FBXO2: variants seen among roughly 807,000 people sequenced by gnomAD.
FBXO2 encodes the protein F-box only protein 2.
FBXO2 carries 32 observed loss-of-function variants against 38.6 expected under a neutral mutation model. That is an observed-to-expected ratio of 0.83 (90% confidence interval 0.62 to 1.11). FBXO2 has a LOEUF of 1.11. Ranked by LOEUF, FBXO2 falls within the 50% of genes most tolerant of loss-of-function variation. The pLI is 0.00. For synonymous variants in FBXO2, 189 were observed against 182.9 expected (o/e 1.03, Z -0.27); for missense variants, 450 against 418.3 (o/e 1.08, Z -0.66).
chr1:11,650,952 C>T, intron 1 of FBXO2, 118 bp from the exon 2 acceptor site: 2 of 1,375,826 alleles, frequency 1.5e-6, no homozygotes, highest in Non-Finnish European at 1.9e-6. Context: ...ACAGCTGGGG[C>T]CGGAGATTCT....
chr1:11,653,494 A>T (rs1001165716), intron 1 of FBXO2: 1 of 151,674 alleles, frequency 6.6e-6, no homozygotes, highest in African/African-American at 2.4e-5. Context: ...GTGGATTGGG[A>T]GCAAGGGCTG....
intron 1 of FBXO2, 73 bp downstream of exon 1, chr1:11,654,246 C>T: frequency 6.9e-7 from 1 of 1,451,732 alleles, no homozygotes. Flanking sequence ...TCTCTGACGC[C>T]CCTCTGTGCA....
At chr1:11,650,147 G>T in intron 2 of FBXO2, 73 bp from the exon 3 acceptor site, 1 of 1,589,376 alleles carries the variant, frequency 6.3e-7, no homozygotes, top group Non-Finnish European at 8.6e-7. Context: ...TATGTGGTGG[G>T]GGGCAGGGCA....
chr1:11,650,621 T>G lies in FBXO2; in HGVS notation c.236A>C (p.Lys79Thr). The G allele has an allele frequency of 6.3e-7, 1 of 1,586,894 alleles. No homozygotes were observed. The highest frequency in any genetic ancestry group is 8.5e-7 in the Non-Finnish European group (1 of 1,171,206). The part of the protein sequence containing the change: ...QACRLVCLRW[K>T]ELVDGAPLWL... The stretch of plus-strand genomic sequence containing the variant: ...CAGCGGGGCGCCGTCCACCAGCTCC[T>G]TCCAGCGCAGGCACACCAGGCGGCA... Residue 79 changes from lysine to threonine, a missense_variant, in exon 2 of 6, where the codon AAG becomes ACG. Physicochemically the swap from Lys to Thr is moderately conservative, Grantham distance 78. Transcript: ENST00000354287.
Position 11,648,559 on chromosome 1 carries a change from G to A in FBXO2, c.*135C>T. 2.4e-6 allele frequency: 3 copies of A among 1,244,786 alleles called. No homozygotes were observed. The allele number at this position is 1,244,786 out of a possible 1,614,324, so 77.1% of individuals were successfully genotyped here. A position where few individuals can be genotyped will look rare whatever the true frequency, so the allele number is the denominator to read the frequency against. On this transcript the variant is annotated 3_prime_UTR_variant, in exon 6 of 6. Coordinates refer to ENST00000354287, the MANE Select transcript of FBXO2 (RefSeq NM_012168.6). The surrounding 1 kb of genome is among the most constrained non-coding windows in gnomAD (Gnocchi z 4.2). The stretch of plus-strand genomic sequence containing the variant: ...AAAACTTCTCTCTCCCTGCTCAGGG[G>A]CTGGGATCGGAGCAAGGGATGGGAG...
chr1:11,649,730 T>G (rs769397284), intron 4 of FBXO2, 49 bp downstream of exon 4: 2 of 1,583,876 alleles, frequency 1.3e-6, no homozygotes, highest in African/African-American at 2.7e-5. Context: ...CTCTCCCCTC[T>G]GCCTTACCCC....
rs759801772 is a variant in FBXO2 at position 11,649,748 on chromosome 1, C to T, written c.617+31G>A. ...TCCCCTCTGCCTTACCCCGCTCCTCCCAGCCCCATGCCACCCCAGGACCCT... is the reference window on the plus strand; with the variant it reads ...TCCCCTCTGCCTTACCCCGCTCCTCTCAGCCCCATGCCACCCCAGGACCCT... On this transcript the variant is annotated intron_variant, in intron 4 of 5. Transcript: ENST00000354287. 3 of 1,610,260 alleles carry T rather than the reference C, an allele frequency of 1.9e-6. No individual in the cohort carries two copies. In the Admixed American group the frequency reaches 5.0e-5, roughly 27 times the overall value.
chr1:11,650,025 C>T lies in FBXO2; in HGVS notation c.441G>A (p.Arg147=). Reference sequence around the variant, plus strand: ...CACTGTCTCCAGGCAGCTCCTCCACCCTCCAGCCGTCCCCACCATGCTCCA... The same window carrying T: ...CACTGTCTCCAGGCAGCTCCTCCACTCTCCAGCCGTCCCCACCATGCTCCA... ...CDVEHGGDGW[R]VEELPGDSGV... The change falls in exon 3 of 6, where the codon AGG becomes AGA. Residue 147 remains arginine (R), a synonymous_variant. Transcript: ENST00000354287. 2 of 1,614,124 alleles carry T rather than the reference C, an allele frequency of 1.2e-6. No individual in the cohort carries two copies. The highest frequency in any genetic ancestry group is 1.7e-6 in the Non-Finnish European group (2 of 1,180,036).
intron 1 of FBXO2, 21 bp downstream of exon 1, chr1:11,654,298 A>G (rs1464491891): frequency 1.3e-6 from 2 of 1,489,324 alleles, no homozygotes; most frequent in African/African-American, 2.9e-5. Context: ...CGCCGCAGCG[A>G]GCGGTCCAGG....
At position 11,648,644 on chromosome 1, in the gene FBXO2, C is replaced by T; in HGVS notation, c.*50G>A. 1 of 1,604,220 alleles carries T rather than the reference C, an allele frequency of 6.2e-7. No individual in the cohort carries two copies. The highest frequency in any genetic ancestry group is 8.5e-7 in the Non-Finnish European group (1 of 1,173,194). On this transcript the variant is annotated 3_prime_UTR_variant, in exon 6 of 6. Transcript: ENST00000354287. The surrounding 1 kb of genome is among the most constrained non-coding windows in gnomAD (Gnocchi z 4.2). ...TGGACTAAGTTAAGGCCTATCTACCCTCGACCTTTGCCCCTCCAGGCAGCT... is the reference window on the plus strand; with the variant it reads ...TGGACTAAGTTAAGGCCTATCTACCTTCGACCTTTGCCCCTCCAGGCAGCT...
chr1:11,650,538 G>C lies in FBXO2; in HGVS notation c.319C>G (p.Arg107Gly). ...LVPEGGVEEE[R>G]DHWQQFYFLS... is the part of the protein sequence containing the mutation. ...AAGTAGAACTGCTGCCAGTGGTCGCGCTCCTCCTCCACGCCGCCCTCGGGC... is the reference window on the plus strand; with the variant it reads ...AAGTAGAACTGCTGCCAGTGGTCGCCCTCCTCCTCCACGCCGCCCTCGGGC... The change falls in exon 2 of 6, where the codon CGC becomes GGC. Residue 107 changes from arginine (R) to glycine (G), a missense_variant. Physicochemically the swap from Arg to Gly is moderately radical, Grantham distance 125 (BLOSUM62 -2). Coordinates refer to ENST00000354287, the MANE Select transcript of FBXO2 (RefSeq NM_012168.6). 6.2e-7 allele frequency: 1 copy of C among 1,601,470 alleles called. No homozygotes were observed. Among genetic ancestry groups the C allele is most frequent in the South Asian group, 1.1e-5 (1 of 88,894 alleles).
At chr1:11,652,848 C>T (rs570508468) in intron 1 of FBXO2, among the ~76,000 whole-genome samples, 13 of 152,366 alleles carry the variant, frequency 8.5e-5, no homozygotes, top group African/African-American at 2.6e-4. Flanking sequence ...GCCCAACCCA[C>T]AGTCAGGCCC....
At position 11,648,769 on chromosome 1, in the gene FBXO2, C is replaced by A. The variant is rs777934203; in HGVS notation, c.816G>T (p.Gly272=). ...CCTTCCAGTAGACGGAGTCCTGCCC[C>A]CCGTGCTCGAAGCGGACGAAGCGGA... is the stretch of plus-strand genomic sequence containing the variant. ...PGVRFVRFEH[G]GQDSVYWKGW... is the part of the protein sequence containing the mutation. Residue 272 remains glycine, a synonymous_variant, in exon 6 of 6, where the codon GGG becomes GGT. Transcript: ENST00000354287. The surrounding 1 kb of genome is among the most constrained non-coding windows in gnomAD (Gnocchi z 4.2). The A allele has an allele frequency of 2.5e-6, 4 of 1,613,766 alleles. No homozygotes were observed. The highest frequency in any genetic ancestry group is 2.2e-5 in the East Asian group (1 of 44,884).
At chr1:11,654,198 G>T (rs1375024270) in intron 1 of FBXO2, 121 bp downstream of exon 1, 1 of 1,129,498 alleles carries the variant, frequency 8.9e-7, no homozygotes, top group Non-Finnish European at 1.2e-6. Context: ...CTTCGCTGGC[G>T]TGAAAGTTTG....
At chr1:11,650,932 G>A in intron 1 of FBXO2, 98 bp from the exon 2 acceptor site, 1 of 1,436,410 alleles carries the variant, frequency 7.0e-7, no homozygotes, top group South Asian at 1.4e-5. Flanking sequence ...CACCCACCGT[G>A]GGACAATCCA....
Position 11,648,972 on chromosome 1 carries a change from TCAGCCCAGCC to T in FBXO2, c.756+105_756+114del, listed in dbSNP as rs577091768. 1 of 713,242 alleles carries T rather than the reference TCAGCCCAGCC, an allele frequency of 1.4e-6. No individual in the cohort carries two copies. Among genetic ancestry groups the T allele is most frequent in the Admixed American group, 4.2e-5 (1 of 23,928 alleles). 44.2% of individuals were successfully genotyped at this position (713,242 alleles called of 1,614,324 possible). ...CTCTCTCCACCACCCGGTGACTATC[TCAGCCCAGCC>T]CAGCCCAGCCCACCCCAGCCCAGGA... On this transcript the variant is annotated intron_variant, in intron 5 of 5. Transcript: ENST00000354287. This position sits in a 1 kb window ranked among gnomAD's most constrained non-coding sequence, Gnocchi z 4.2.
rs745841794 is a variant in FBXO2 at position 11,649,530 on chromosome 1, T to C, written c.617+249A>G. ...TGGACCGCAGACTGATTTTGAAATA[T>C]ATACATTACATATATACAAACATAT... On this transcript the variant is annotated intron_variant, in intron 4 of 5. Transcript: ENST00000354287. The C allele has an allele frequency of 5.3e-5, 31 of 589,828 alleles. No individual in the cohort carries two copies. In the East Asian group the frequency reaches 8.4e-4, roughly 16 times the overall value. The allele number at this position is 589,828 out of a possible 1,614,324, so 36.5% of individuals were successfully genotyped here. A position where few individuals can be genotyped will look rare whatever the true frequency, so the allele number is the denominator to read the frequency against.
chr1:11,650,959 T>G, intron 1 of FBXO2, 125 bp from the exon 2 acceptor site: 1 of 1,339,878 alleles, frequency 7.5e-7, no homozygotes, highest in East Asian at 2.9e-5. Flanking sequence ...GGGCCGGAGA[T>G]TCTGTGACTC....
rs758435106 is a variant in FBXO2, at chr1:11,648,768, C to A, written c.817G>T (p.Gly273Trp). 6.2e-7 allele frequency: 1 copy of A among 1,613,740 alleles called. No homozygotes were observed. Among genetic ancestry groups the A allele is most frequent in the Non-Finnish European group, 8.5e-7 (1 of 1,180,030 alleles). The change falls in exon 6 of 6, where the codon GGG (glycine) becomes TGG (tryptophan). Residue 273 changes from glycine to tryptophan, a missense_variant. By Grantham distance (184) the Gly-to-Trp change is radical. Coordinates refer to ENST00000354287, the MANE Select transcript of FBXO2 (RefSeq NM_012168.6). The surrounding 1 kb of genome is among the most constrained non-coding windows in gnomAD (Gnocchi z 4.2). Reference protein sequence around the residue: ...GVRFVRFEHGGQDSVYWKGWF... With the variant: ...GVRFVRFEHGWQDSVYWKGWF... The stretch of plus-strand genomic sequence containing the variant: ...CCCTTCCAGTAGACGGAGTCCTGCC[C>A]CCCGTGCTCGAAGCGGACGAAGCGG...
Sources: allele counts gnomAD v4.1 joint callset (sites outside exome capture counted in the v4.1 genomes callset), GRCh38; gene constraint gnomAD v4.1.1; non-coding constraint Gnocchi (gnomAD v3.1); transcripts MANE v1.5; gene names NCBI Gene and HGNC (gene_info 2026-07-23, HGNC 2026-07-21).